The following TJP3 variants were observed in gnomAD, a reference collection of about 807,000 sequenced individuals.
TJP3 encodes tight junction protein ZO-3.
A neutral mutation model predicts 104.2 loss-of-function variants in TJP3; 85 were observed. That is an observed-to-expected ratio of 0.82 (90% CI 0.68 to 0.98). TJP3 has a LOEUF of 0.98. Among genes scored for constraint, TJP3 ranks in the 50% least tolerant of loss-of-function variants. The probability of loss-of-function intolerance (pLI) is 0.00; values close to 1 mark genes in which losing one functional copy is unlikely to be tolerated. For missense variants in TJP3, 1,367 were observed against 1,322.8 expected (o/e 1.03, Z -0.52); for synonymous variants, 550 against 550.6 (o/e 1.00, Z 0.02).
Position 3,746,809 on chromosome 19 carries a change from G to C in TJP3, c.2255G>C (p.Trp752Ser). Residue 752 changes from tryptophan (W) to serine (S), a missense_variant, in exon 18 of 21, where the codon TGG becomes TCG. Physicochemically the swap from Trp to Ser is radical, Grantham distance 177. Coordinates refer to ENST00000541714, the MANE Select transcript of TJP3 (RefSeq NM_001267560.2). This position sits in a 1 kb window ranked among gnomAD's most constrained non-coding sequence, Gnocchi z 4.1. The part of the protein sequence containing the change: ...TIPLNGTSDT[W>S]YQELKAIIRE... ...CCTCTGAATGGCACGAGTGACACCT[G>C]GTACCAGGAGCTCAAGGCCATCATT... 6.2e-7 allele frequency: 1 copy of C among 1,611,878 alleles called. No individual in the cohort carries two copies. The highest frequency in any genetic ancestry group is 8.5e-7 in the Non-Finnish European group (1 of 1,179,104).
intron 5 of TJP3, 46 bp from the exon 6 acceptor site, chr19:3,731,889 C>A: frequency 6.5e-7 from 1 of 1,546,024 alleles, no homozygotes; most frequent in Non-Finnish European, 8.9e-7. Context: ...CTCCCAGGCA[C>A]CCGTCTCCAG....
Position 3,730,499 on chromosome 19 carries a change from A to T in TJP3, c.406A>T (p.Ser136Cys), listed in dbSNP as rs562799917. 23 of 1,587,582 alleles carry T rather than the reference A, an allele frequency of 1.4e-5. No homozygotes were observed. In the Admixed American group the frequency reaches 3.5e-4, roughly 24 times the overall value. ...QGRGYDGDSSSGSGRSWDERS... is the reference protein window; with the variant it reads ...QGRGYDGDSSCGSGRSWDERS... ...CCGGGGCTATGACGGCGACTCATCC[A>T]GTGGCTCCGGCCGCTCCTGGGACGA... Residue 136 changes from serine to cysteine, a missense_variant, in exon 5 of 21, where the codon AGT becomes TGT. Physicochemically the swap from Ser to Cys is moderately radical, Grantham distance 112. Transcript: ENST00000541714. This position sits in a 1 kb window ranked among gnomAD's most constrained non-coding sequence, Gnocchi z 7.3.
At position 3,716,198 on chromosome 19, in the gene TJP3, G is replaced by A. The variant is rs777781585; in HGVS notation, c.-10+7637G>A. On this transcript the variant is annotated intron_variant, in intron 1 of 20. Coordinates refer to ENST00000541714, the MANE Select transcript of TJP3 (RefSeq NM_001267560.2). ...AGTGATTCTCCTGCCTCAGCCTCCC[G>A]AGTAGCAGGGATTACAGGTGCCTGT... Among the ~76,000 whole-genome samples, 19 of 147,936 alleles carry A rather than the reference G, an allele frequency of 1.3e-4. 3 individuals carry two copies. The highest frequency in any genetic ancestry group is 5.9e-4 in the East Asian group (3 of 5,116).
At position 3,747,786 on chromosome 19, in the gene TJP3, C is replaced by T. The variant is rs1190676042; in HGVS notation, c.2323-8C>T. On this transcript the variant is annotated splice_region_variant and splice_polypyrimidine_tract_variant and intron_variant, in intron 18 of 20. Coordinates refer to ENST00000541714, the MANE Select transcript of TJP3 (RefSeq NM_001267560.2). ...GGGCCAGCCGCAGCATCCACACCCA[C>T]CCCACAGCTGGATGGCTCCTTGGAG... 2 of 1,572,874 alleles carry T rather than the reference C, an allele frequency of 1.3e-6. No homozygotes were observed. The highest frequency in any genetic ancestry group is 1.3e-5 in the African/African-American group (1 of 74,320).
chr19:3,748,332 C>T (rs1023141554), intron 19 of TJP3, among the ~76,000 whole-genome samples: 6 of 142,764 alleles, frequency 4.2e-5, no homozygotes, highest in South Asian at 4.4e-4. Flanking sequence ...AGTGCAATGG[C>T]GCAATCTTGG....
rs116125265 is a variant in TJP3 at position 3,710,237 on chromosome 19, G to A, written c.-10+1676G>A. Among the ~76,000 whole-genome samples, 911 of 151,828 alleles carry A rather than the reference G, an allele frequency of 6.0e-3. 5 individuals are homozygous for A. Among genetic ancestry groups the A allele is most frequent in the African/African-American group, 0.021 (882 of 41,404 alleles). On this transcript the variant is annotated intron_variant, in intron 1 of 20. Coordinates refer to ENST00000541714, the MANE Select transcript of TJP3 (RefSeq NM_001267560.2). ...GCCGGATGTAATAAAGCGGGTAACA[G>A]ATTCTCGGTCATTCTGGGGTCAAGA...
At chr19:3,714,321 A>C (rs1266103522) in intron 1 of TJP3, among the ~76,000 whole-genome samples, 3 of 151,758 alleles carry the variant, frequency 2.0e-5, no homozygotes, top group Non-Finnish European at 2.9e-5. Context: ...CTGGGATTAC[A>C]GGCACGTGCC....
intron 1 of TJP3, chr19:3,721,611 G>A (rs370891290): frequency 1.6e-4 from 46 of 281,922 alleles, no homozygotes; most frequent in African/African-American, 8.8e-4. Flanking sequence ...CCGGCCTGGA[G>A]TTTCCGCCTC....
chr19:3,728,693 G>A lies in TJP3; in HGVS notation c.138G>A (p.Gly46=), dbSNP rs779814400. 2.5e-6 allele frequency: 4 copies of A among 1,613,684 alleles called. No individual in the cohort carries two copies. The East Asian group carries it at 8.9e-5, about 36-fold the overall frequency. ...SMVVSDVVPG[G]PAEGRLQTGD... ...TTGTATCTGACGTGGTACCTGGAGG[G>A]CCGGCGGAGGGCAGGCTACAGTGAG... The change falls in exon 3 of 21, where the codon GGG becomes GGA. Residue 46 remains glycine, a synonymous_variant. Transcript: ENST00000541714.
In TJP3 at chr19:3,740,849, G is replaced by A; in HGVS notation, c.1843+86G>A. On this transcript the variant is annotated intron_variant, in intron 14 of 20. Coordinates refer to ENST00000541714, the MANE Select transcript of TJP3 (RefSeq NM_001267560.2). ...TTCACTAACATTCAGCCTCTAAAAG[G>A]CACAGTCTTGGCCCGGCGTGGTGGC... The A allele has an allele frequency of 7.5e-6, 10 of 1,330,292 alleles. 1 individual carries two copies. In the South Asian group the frequency reaches 1.7e-4, roughly 23 times the overall value. The allele number at this position is 1,330,292 out of a possible 1,614,324, so 82.4% of individuals were successfully genotyped here.
chr19:3,721,813 C>T, intron 1 of TJP3: 2 of 821,788 alleles, frequency 2.4e-6, no homozygotes, highest in African/African-American at 1.8e-5. Context: ...TCAGCCCCCT[C>T]CCCCAGCCCG....
At position 3,736,290 on chromosome 19, in the gene TJP3, A is replaced by G; in HGVS notation, c.1253A>G (p.Gln418Arg). The change falls in exon 11 of 21, where the codon CAG becomes CGG. Residue 418 changes from glutamine (Q) to arginine (R), a missense_variant. Transcript: ENST00000541714. Reference protein sequence around the residue: ...GVQAGSPADGQGIQEGDQILQ... With the variant: ...GVQAGSPADGRGIQEGDQILQ... Reference sequence around the variant, plus strand: ...CAGGCGGGCAGCCCGGCCGACGGGCAGGGCATCCAGGAGGGAGATCAGATT... The same window carrying G: ...CAGGCGGGCAGCCCGGCCGACGGGCGGGGCATCCAGGAGGGAGATCAGATT... 6.5e-7 allele frequency: 1 copy of G among 1,538,282 alleles called. No individual in the cohort carries two copies. Among genetic ancestry groups the G allele is most frequent in the African/African-American group, 1.4e-5 (1 of 72,566 alleles).
At chr19:3,735,800 A>T in intron 9 of TJP3, 69 bp from the exon 10 acceptor site, 1 of 1,604,732 alleles carries the variant, frequency 6.2e-7, no homozygotes, top group Non-Finnish European at 8.5e-7. Context: ...GGATGAGGAC[A>T]TAAAGCAAAG....
Position 3,744,019 on chromosome 19 carries a change from C to T in TJP3, c.1924C>T (p.Gln642Ter). The T allele has an allele frequency of 6.2e-7, 1 of 1,614,050 alleles. No individual in the cohort carries two copies. The highest frequency in any genetic ancestry group is 8.5e-7 in the Non-Finnish European group (1 of 1,179,988). ...MQKLTAEMPDQFEIAETVSRT... is the reference protein window; with the variant it reads ...MQKLTAEMPD ...GAAGTTGACTGCTGAGATGCCTGACCAGTTTGAAATCGCAGGTGAGAAGCC... is the reference window on the plus strand; with the variant it reads ...GAAGTTGACTGCTGAGATGCCTGACTAGTTTGAAATCGCAGGTGAGAAGCC... Residue 642 changes from glutamine to a stop codon, truncating the protein, a stop_gained, in exon 15 of 21, where the codon CAG becomes TAG. Coordinates refer to ENST00000541714, the MANE Select transcript of TJP3 (RefSeq NM_001267560.2). LOFTEE classifies it high-confidence loss of function.
intron 7 of TJP3, 147 bp downstream of exon 7, chr19:3,734,059 C>A: frequency 8.7e-7 from 1 of 1,145,268 alleles, no homozygotes; most frequent in Non-Finnish European, 1.2e-6. Flanking sequence ...CACAGCAAGT[C>A]AAGAGTTCAG....
At chr19:3,720,898 TTTC>T (rs2036534883) in intron 1 of TJP3, among the ~76,000 whole-genome samples, 1 of 121,620 alleles carries the variant, frequency 8.2e-6, no homozygotes, top group South Asian at 2.7e-4. Context: ...CTTCCTTCCT[TTTC>T]TTTTTTTTTT....
rs148558078 is a variant in TJP3, at chr19:3,728,644, G to A, written c.89G>A (p.Arg30Gln). 1.2e-4 allele frequency: 190 copies of A among 1,613,706 alleles called. 1 individual carries two copies. The African/African-American group carries it at 1.2e-3, about 10-fold the overall frequency. ...RGFGIAISGG[R>Q]DRPGGSMVVS... ...TTTGGCATTGCGATCTCTGGAGGCC[G>A]AGACCGGCCCGGTGGATCCATGGTT... is the stretch of plus-strand genomic sequence containing the variant. Residue 30 changes from arginine (R) to glutamine (Q), a missense_variant, in exon 3 of 21, where the codon CGA (arginine) becomes CAA (glutamine). Coordinates refer to ENST00000541714, the MANE Select transcript of TJP3 (RefSeq NM_001267560.2).
intron 6 of TJP3, 57 bp downstream of exon 6, chr19:3,732,095 A>G: frequency 7.1e-7 from 1 of 1,416,878 alleles, no homozygotes; most frequent in Middle Eastern, 1.8e-4. Context: ...TGGGGCGGGC[A>G]GTCCCACGGA....
intron 1 of TJP3, among the ~76,000 whole-genome samples, chr19:3,715,290 C>T (rs1005864253): frequency 3.9e-5 from 6 of 152,076 alleles, no homozygotes; most frequent in Non-Finnish European, 7.4e-5. Context: ...GGGGTTTCAC[C>T]GTGTTATCCA....
Sources: allele counts gnomAD v4.1 joint callset (sites outside exome capture counted in the v4.1 genomes callset), GRCh38; gene constraint gnomAD v4.1.1; non-coding constraint Gnocchi (gnomAD v3.1); transcripts MANE v1.5; gene names NCBI Gene and HGNC (gene_info 2026-07-23, HGNC 2026-07-21).